Variants in LMBR1 observed in about 807,000 individuals in gnomAD.
LMBR1 encodes the protein limb region 1 protein homolog.
Under a neutral mutation model 73.9 loss-of-function variants are expected in LMBR1, and 52 were observed. The observed-to-expected ratio is 0.70, with a 90% CI of 0.56 to 0.89. The LOEUF is 0.89. Ranked by LOEUF, LMBR1 falls within the 40% of genes least tolerant of loss-of-function variation. The pLI, the probability that LMBR1 is intolerant of heterozygous loss-of-function variation, is 0.00. For missense variants in LMBR1, 539 were observed against 579.8 expected (o/e 0.93, Z 0.72); for synonymous variants, 215 against 209.4 (o/e 1.03, Z -0.23).
At position 156,826,697 on chromosome 7, in the gene LMBR1, A is replaced by C; in HGVS notation, c.227T>G (p.Leu76Trp). 1 of 1,611,866 alleles carries C rather than the reference A, an allele frequency of 6.2e-7. No individual in the cohort carries two copies. Among genetic ancestry groups the C allele is most frequent in the Non-Finnish European group, 8.5e-7 (1 of 1,178,766 alleles). ...FTLAVSAGAV[L>W]LLPFSIISNE... ...GCTGATGATTGAGAAGGGTAAAAGC[A>C]AAACAGCCCCAGCTGACACTGCGAG... Residue 76 changes from leucine to tryptophan, a missense_variant, in exon 4 of 17, where the codon TTG becomes TGG. By Grantham distance (61) the Leu-to-Trp change is moderately conservative. This residue lies in a region of LMBR1 where 454 missense variants were observed against 473.4 expected (regional missense o/e 0.96). Coordinates refer to ENST00000353442, the MANE Select transcript of LMBR1 (RefSeq NM_022458.4).
chr7:156,684,567 C>T (rs1305416607), intron 16 of LMBR1, among the ~76,000 whole-genome samples: 2 of 152,210 alleles, frequency 1.3e-5, no homozygotes, highest in African/African-American at 2.4e-5. Context: ...CCCAACCCGG[C>T]TAATAAACCT....
At chr7:156,730,412 T>A (rs1397600115) in intron 10 of LMBR1, among the ~76,000 whole-genome samples, 1 of 152,102 alleles carries the variant, frequency 6.6e-6, no homozygotes, top group Non-Finnish European at 1.5e-5. Context: ...TTAGGACCAA[T>A]GAAAAGCTAT....
intron 9 of LMBR1, chr7:156,736,731 A>G (rs774140975): frequency 2.8e-6 from 1 of 357,090 alleles, no homozygotes; most frequent in Non-Finnish European, 5.6e-6. Context: ...CTACATTATT[A>G]TAACAACCAA....
chr7:156,838,223 T>C (rs901857724), intron 1 of LMBR1, among the ~76,000 whole-genome samples: 11 of 152,254 alleles, frequency 7.2e-5, no homozygotes, highest in African/African-American at 2.7e-4. Context: ...TTATAATTTT[T>C]TGTGATGAGA....
chr7:156,676,727 T>C, downstream of LMBR1: 2 of 1,114,128 alleles, frequency 1.8e-6, no homozygotes, highest in Non-Finnish European at 2.7e-6. Flanking sequence ...ACTGCATGAG[T>C]TCTGGGTTAA....
At chr7:156,884,953 A>T (rs1261768629) in intron 1 of LMBR1, among the ~76,000 whole-genome samples, 1 of 152,256 alleles carries the variant, frequency 6.6e-6, no homozygotes, top group African/African-American at 2.4e-5. Flanking sequence ...ACTCATCTAG[A>T]GAGGCAGTAG....
intron 5 of LMBR1, among the ~76,000 whole-genome samples, chr7:156,772,965 T>C (rs769302556): frequency 1.9e-4 from 29 of 152,096 alleles, no homozygotes; most frequent in Admixed American, 3.9e-4. Flanking sequence ...GAAAATCCCA[T>C]AGTGTCTGCT....
At chr7:156,793,157 C>T (rs1829522628) in intron 5 of LMBR1, among the ~76,000 whole-genome samples, 2 of 152,132 alleles carry the variant, frequency 1.3e-5, no homozygotes, top group Non-Finnish European at 2.9e-5. Flanking sequence ...ACATTAATTT[C>T]AATAAAGCAA....
intron 15 of LMBR1, among the ~76,000 whole-genome samples, chr7:156,710,784 ATC>A (rs1405377072): frequency 6.6e-6 from 1 of 152,204 alleles, no homozygotes; most frequent in African/African-American, 2.4e-5. Flanking sequence ...GCATCAGGTA[ATC>A]TATAAAGGAA....
intron 1 of LMBR1, among the ~76,000 whole-genome samples, chr7:156,888,043 C>T (rs750021024): frequency 2.6e-5 from 4 of 152,178 alleles, no homozygotes; most frequent in Non-Finnish European, 4.4e-5. Flanking sequence ...GAACCAGAAA[C>T]TCTGGCTCCT....
At chr7:156,833,480 C>G (rs1837040131) in intron 3 of LMBR1, 1 of 396,310 alleles carries the variant, frequency 2.5e-6, no homozygotes, top group South Asian at 2.9e-5. Context: ...CAAGAGTCTT[C>G]TTTCTTATGA....
At chr7:156,803,047 C>T (rs1831297067) in intron 4 of LMBR1, among the ~76,000 whole-genome samples, 1 of 152,034 alleles carries the variant, frequency 6.6e-6, no homozygotes, top group Non-Finnish European at 1.5e-5. Flanking sequence ...CCATAAAAAC[C>T]CTAGAAGAAA....
intron 1 of LMBR1, among the ~76,000 whole-genome samples, chr7:156,890,106 G>A (rs1802629676): frequency 6.6e-6 from 1 of 152,070 alleles, no homozygotes; most frequent in Non-Finnish European, 1.5e-5. Flanking sequence ...TGTGACAAAA[G>A]TCCTAAATAG....
chr7:156,767,408 A>C (rs188089752), intron 5 of LMBR1, among the ~76,000 whole-genome samples: 2 of 152,294 alleles, frequency 1.3e-5, no homozygotes, highest in Admixed American at 1.3e-4. Flanking sequence ...TTGAAAGATA[A>C]ATCATTTAAT....
Position 156,840,778 on chromosome 7 carries a change from T to G in LMBR1, c.67-3893A>C, listed in dbSNP as rs4493788. On this transcript the variant is annotated intron_variant, in intron 1 of 16. Coordinates refer to ENST00000353442, the MANE Select transcript of LMBR1 (RefSeq NM_022458.4). ...ATCGAGACCATCCTGACTAACATGG[T>G]GAAACCCCGTCTCTACTAAAAATAC... is the stretch of plus-strand genomic sequence containing the variant. 3.7e-3 allele frequency among the ~76,000 whole-genome samples: 544 copies of G among 146,164 alleles called. 8 individuals are homozygous for G. Among genetic ancestry groups the G allele is most frequent in the African/African-American group, 0.013 (522 of 39,286 alleles).
At chr7:156,773,905 A>C (rs796710617) in intron 5 of LMBR1, among the ~76,000 whole-genome samples, 19 of 152,230 alleles carry the variant, frequency 1.2e-4, no homozygotes, top group African/African-American at 4.6e-4. Flanking sequence ...GCAAACAAAC[A>C]AACAAACCAA....
At chr7:156,747,714 AAAT>A (rs1820100907) in intron 9 of LMBR1, among the ~76,000 whole-genome samples, 1 of 152,206 alleles carries the variant, frequency 6.6e-6, no homozygotes, top group African/African-American at 2.4e-5. Context: ...TTTGATTAGA[AAAT>A]ATTATCCAAG....
chr7:156,716,957 G>C (rs1285195188), intron 15 of LMBR1, among the ~76,000 whole-genome samples: 15 of 152,036 alleles, frequency 9.9e-5, no homozygotes, highest in South Asian at 2.1e-4. Context: ...AGGTAGTAGA[G>C]TGAGACCCCA....
chr7:156,722,866 T>C (rs1344042129), intron 15 of LMBR1, among the ~76,000 whole-genome samples: 1 of 152,146 alleles, frequency 6.6e-6, no homozygotes, highest in Non-Finnish European at 1.5e-5. Flanking sequence ...ATATTAATGA[T>C]TAGCAATCAA....
Sources: allele counts gnomAD v4.1 joint callset (sites outside exome capture counted in the v4.1 genomes callset), GRCh38; gene constraint gnomAD v4.1.1; regional missense constraint gnomAD v4.1.1; transcripts MANE v1.5; gene names NCBI Gene and HGNC (gene_info 2026-07-23, HGNC 2026-07-21).